The following IL17D variants were observed in gnomAD, a reference collection of about 807,000 sequenced individuals.
IL17D encodes the protein interleukin 17D.
In IL17D, 10 loss-of-function variants were observed where a neutral mutation model predicts 5.7. That is an observed-to-expected ratio of 1.75 (90% CI 1.08 to 2.97). The LOEUF is 2.97. Among genes scored for constraint, IL17D ranks in the 30% most tolerant of loss-of-function variants. The pLI is 0.00. For missense variants in IL17D, 354 were observed against 292.7 expected (o/e 1.21, Z -1.53); for synonymous variants, 172 against 141.7 (o/e 1.21, Z -1.52).
intron 1 of IL17D, among the ~76,000 whole-genome samples, chr13:20,714,539 C>T (rs897838046): frequency 6.6e-5 from 10 of 152,212 alleles, no homozygotes; most frequent in Admixed American, 3.3e-4. Context: ...CTTCTTTTTC[C>T]TAATAGCCCT....
At chr13:20,708,403 C>T (rs546346739) in intron 1 of IL17D, among the ~76,000 whole-genome samples, 1 of 152,258 alleles carries the variant, frequency 6.6e-6, no homozygotes, top group East Asian at 1.9e-4. Context: ...CAGCCTGGGC[C>T]TCACTCCTCT....
rs934835646 is a variant in IL17D at position 20,721,816 on chromosome 13, C to T, written c.471C>T (p.Thr157=). 10 of 1,610,424 alleles carry T rather than the reference C, an allele frequency of 6.2e-6. No homozygotes were observed. In the East Asian group the frequency reaches 1.8e-4, roughly 29 times the overall value. Reference sequence around the variant, plus strand: ...GCGCCGGCGGCCGTTCCGTCTACACCGAGGCCTACGTCACCATCCCCGTGG... The same window carrying T: ...GCGCCGGCGGCCGTTCCGTCTACACTGAGGCCTACGTCACCATCCCCGTGG... The part of the protein sequence containing the change: ...PACAGGRSVY[T]EAYVTIPVGC... The change falls in exon 2 of 2, where the codon ACC becomes ACT. Residue 157 remains threonine (T), a synonymous_variant. Coordinates refer to ENST00000682841, the MANE Select transcript of IL17D (RefSeq NM_001385224.1).
intron 1 of IL17D, among the ~76,000 whole-genome samples, chr13:20,719,133 A>C (rs2058711758): frequency 7.2e-6 from 1 of 139,762 alleles, no homozygotes; most frequent in African/African-American, 2.7e-5. Context: ...ACACTCATCC[A>C]CACACCTATC....
rs2058747201 is a variant in IL17D, at chr13:20,722,724, A to C, written c.*770A>C. 6.6e-6 allele frequency: 1 copy of C among 152,202 alleles called. No homozygotes were observed. The highest frequency in any genetic ancestry group is 2.4e-5 in the African/African-American group (1 of 41,434). 9.4% of individuals were successfully genotyped at this position (152,202 alleles called of 1,614,324 possible). On this transcript the variant is annotated 3_prime_UTR_variant, in exon 2 of 2. Transcript: ENST00000682841. ...CAGCTAAGAGTTCCAAAGATCTCAG[A>C]TTTGGTTTTAGTCATGAATACATAA...
chr13:20,714,810 G>A (rs553654033), intron 1 of IL17D, among the ~76,000 whole-genome samples: 1 of 152,272 alleles, frequency 6.6e-6, no homozygotes, highest in East Asian at 1.9e-4. Flanking sequence ...ATTTTTCAGA[G>A]CTTCTTGGCA....
chr13:20,711,002 C>T lies in IL17D; in HGVS notation c.290+6711C>T, dbSNP rs184766177. 2.0e-3 allele frequency among the ~76,000 whole-genome samples: 298 copies of T among 152,030 alleles called. 1 individual carries two copies. Among genetic ancestry groups the T allele is most frequent in the African/African-American group, 6.4e-3 (267 of 41,470 alleles). The stretch of plus-strand genomic sequence containing the variant: ...CAAGTTGGCCAGGCGTGGTGGCTCA[C>T]GCCTGTAATCCCAGCACTTTGGGAG... On this transcript the variant is annotated intron_variant, in intron 1 of 1. Transcript: ENST00000682841.
In IL17D at chr13:20,704,068, A is replaced by G. The variant is rs111358847; in HGVS notation, c.67A>G (p.Arg23Gly). 11 of 1,091,702 alleles carry G rather than the reference A, an allele frequency of 1.0e-5. No individual in the cohort carries two copies. The highest frequency in any genetic ancestry group is 4.2e-5 in the South Asian group (1 of 23,874). The allele number at this position is 1,091,702 out of a possible 1,614,324, so 67.6% of individuals were successfully genotyped here. The change falls in exon 1 of 2, where the codon AGG becomes GGG. Residue 23 changes from arginine to glycine, a missense_variant. Coordinates refer to ENST00000682841, the MANE Select transcript of IL17D (RefSeq NM_001385224.1). ...SWAAGAPRAG[R>G]RPARPRGCAD... ...GGCCGCGGGCGCCCCGAGGGCGGGC[A>G]GGCGCCCCGCGCGGCCGCGGGGCTG... is the stretch of plus-strand genomic sequence containing the variant.
In IL17D at chr13:20,704,122, C is replaced by G; in HGVS notation, c.121C>G (p.Gln41Glu). Reference protein sequence around the residue: ...CADRPEELLEQLYGRLAAGVL... With the variant: ...CADRPEELLEELYGRLAAGVL... Reference sequence around the variant, plus strand: ...GGACCGGCCGGAGGAGCTACTGGAGCAGCTGTACGGGCGCCTGGCGGCCGG... The same window carrying G: ...GGACCGGCCGGAGGAGCTACTGGAGGAGCTGTACGGGCGCCTGGCGGCCGG... The change falls in exon 1 of 2, where the codon CAG becomes GAG. Residue 41 changes from glutamine (Q) to glutamate (E), a missense_variant. Coordinates refer to ENST00000682841, the MANE Select transcript of IL17D (RefSeq NM_001385224.1). 2.3e-6 allele frequency: 3 copies of G among 1,315,844 alleles called. No homozygotes were observed. Among genetic ancestry groups the G allele is most frequent in the Non-Finnish European group, 2.9e-6 (3 of 1,021,810 alleles). 81.5% of individuals were successfully genotyped at this position (1,315,844 alleles called of 1,614,324 possible).
intron 1 of IL17D, among the ~76,000 whole-genome samples, chr13:20,718,266 T>C (rs2058693859): frequency 6.6e-6 from 1 of 152,146 alleles, no homozygotes; most frequent in Non-Finnish European, 1.5e-5. Context: ...CCAGGGCTCC[T>C]GTGCACCTCT....
chr13:20,713,889 T>C (rs914309596), intron 1 of IL17D: 12 of 152,340 alleles, frequency 7.9e-5, no homozygotes, highest in African/African-American at 2.9e-4. Context: ...GCTCATGTTG[T>C]GATAGTGATT....
At chr13:20,711,356 C>T (rs200453562) in intron 1 of IL17D, among the ~76,000 whole-genome samples, 2 of 67,572 alleles carry the variant, frequency 3.0e-5, no homozygotes, top group South Asian at 6.9e-4. Context: ...TGGTGAGAGT[C>T]GTCCCACGCT....
chr13:20,706,422 C>T (rs1457956470), intron 1 of IL17D, among the ~76,000 whole-genome samples: 1 of 152,362 alleles, frequency 6.6e-6, no homozygotes, highest in East Asian at 1.9e-4. Context: ...ATAGCAGATT[C>T]GAACTCTCAG....
At chr13:20,702,470 T>C (rs911120565), upstream of IL17D, 1 of 152,172 alleles carries the variant, frequency 6.6e-6, no homozygotes, top group Non-Finnish European at 1.5e-5. Context: ...ACAGCTGGGA[T>C]GGGTTGTTTA....
chr13:20,717,121 ATCC>A (rs1337713523), intron 1 of IL17D: 1 of 152,012 alleles, frequency 6.6e-6, no homozygotes, highest in Non-Finnish European at 1.5e-5. Context: ...ACCTCTAATC[ATCC>A]CTGGAGGACT....
In IL17D at chr13:20,703,907, G is replaced by A; in HGVS notation, c.-95G>A. The A allele has an allele frequency of 1.5e-6, 1 of 679,698 alleles. No individual in the cohort carries two copies. The highest frequency in any genetic ancestry group is 1.8e-6 in the Non-Finnish European group (1 of 552,172). 42.1% of individuals were successfully genotyped at this position (679,698 alleles called of 1,614,324 possible). A position where few individuals can be genotyped will look rare whatever the true frequency, so the allele number is the denominator to read the frequency against. On this transcript the variant is annotated 5_prime_UTR_variant, in exon 1 of 2. Transcript: ENST00000682841. ...CGCGGGGCGAGGGGAGGCGCCCGCC[G>A]GCTCCGGGCGCCGCGGGCGGGACAC...
At chr13:20,711,054 C>CA (rs1219455980) in intron 1 of IL17D, among the ~76,000 whole-genome samples, 6 of 152,044 alleles carry the variant, frequency 3.9e-5, no homozygotes, top group Non-Finnish European at 7.4e-5. Flanking sequence ...CATTTGAGGT[C>CA]AGGAATTCAA....
chr13:20,708,828 T>A (rs2058610317), intron 1 of IL17D, among the ~76,000 whole-genome samples: 1 of 115,330 alleles, frequency 8.7e-6, no homozygotes, highest in African/African-American at 3.3e-5. Flanking sequence ...TGAAACCCCA[T>A]CTCTACTAAA....
intron 1 of IL17D, among the ~76,000 whole-genome samples, chr13:20,721,244 C>T (rs2058731400): frequency 6.6e-6 from 1 of 152,202 alleles, no homozygotes; most frequent in South Asian, 2.1e-4. Context: ...CCAGCCTAGG[C>T]CCCAGGTGGA....
intron 1 of IL17D, chr13:20,714,124 G>C (rs1218111155): frequency 6.6e-6 from 1 of 152,226 alleles, no homozygotes; most frequent in Non-Finnish European, 1.5e-5. Context: ...TGTGGCATTT[G>C]CCATGACAAA....
Sources: gnomAD v4.1 joint callset for allele counts (sites outside exome capture counted in the v4.1 genomes callset) on GRCh38, gnomAD v4.1.1 for gene constraint, MANE v1.5 for transcripts, NCBI Gene and HGNC (gene_info 2026-07-23, HGNC 2026-07-21) for gene names.